The following PSMD1 variants were observed in gnomAD, a reference collection of about 807,000 sequenced individuals.
PSMD1 encodes the protein proteasome 26S subunit, non-ATPase 1.
A neutral mutation model predicts 119.0 loss-of-function variants in PSMD1; 18 were observed. That is an observed-to-expected ratio of 0.15 (90% CI 0.10 to 0.22). The LOEUF (loss-of-function observed/expected upper bound fraction) is 0.22, where lower values mean the gene tolerates loss of function less well. Ranked by LOEUF, PSMD1 falls within the 10% of genes least tolerant of loss-of-function variation. The pLI is 1.00. For synonymous variants in PSMD1, 374 were observed against 396.6 expected (o/e 0.94, Z 0.68); for missense variants, 702 against 1,158.5 (o/e 0.61, Z 5.72).
intron 16 of PSMD1, chr2:231,123,791 GT>G: frequency 6.6e-7 from 1 of 1,512,024 alleles, no homozygotes; most frequent in Non-Finnish European, 9.2e-7. Flanking sequence ...ATTCAATCCC[GT>G]TCCGAACAGT....
intron 9 of PSMD1, 83 bp downstream of exon 9, chr2:231,077,245 G>T: frequency 2.0e-6 from 2 of 1,004,104 alleles, no homozygotes; most frequent in Non-Finnish European, 2.7e-6. Context: ...ATTTCTTGTT[G>T]GATACTTTCT....
chr2:231,070,339 TTA>T (rs1412131201), intron 6 of PSMD1, among the ~76,000 whole-genome samples, 171 bp downstream of exon 6: 1 of 151,812 alleles, frequency 6.6e-6, no homozygotes, highest in Non-Finnish European at 1.5e-5. Flanking sequence ...TTCCTTTTTA[TTA>T]ATAAGAAACT....
intron 3 of PSMD1, 38 bp downstream of exon 3, chr2:231,062,359 C>A: frequency 1.3e-6 from 2 of 1,544,536 alleles, no homozygotes; most frequent in South Asian, 1.1e-5. Flanking sequence ...TAAGATGGAT[C>A]AAATTTAATT....
chr2:231,170,801 G>T lies in PSMD1; in HGVS notation c.*9+80G>T. ...GTTTTTTGCAAGGACATCATCTCAC[G>T]TTTTTCCTTCCTTTTGTGTTTAATC... On this transcript the variant is annotated intron_variant, in intron 24 of 24. Transcript: ENST00000308696. The surrounding 1 kb of genome is among the most constrained non-coding windows in gnomAD (Gnocchi z 4.1). 1.4e-6 allele frequency: 2 copies of T among 1,389,596 alleles called. No homozygotes were observed. Among genetic ancestry groups the T allele is most frequent in the South Asian group, 1.5e-5 (1 of 64,920 alleles). The allele number at this position is 1,389,596 out of a possible 1,614,324, so 86.1% of individuals were successfully genotyped here.
intron 21 of PSMD1, among the ~76,000 whole-genome samples, chr2:231,164,193 G>A (rs751848604): frequency 5.4e-4 from 82 of 152,092 alleles, no homozygotes; most frequent in Admixed American, 1.8e-3. Context: ...AGTGAGCCTG[G>A]AATTGAAAGT....
intron 17 of PSMD1, among the ~76,000 whole-genome samples, chr2:231,145,749 C>T (rs113896509): frequency 0.022 from 3,357 of 151,486 alleles, 136 homozygotes; most frequent in African/African-American, 0.077. Flanking sequence ...AAAAATTAGC[C>T]GGGGGTGGTA....
At chr2:231,161,041 G>A (rs559644762) in intron 19 of PSMD1, among the ~76,000 whole-genome samples, 57 of 151,986 alleles carry the variant, frequency 3.8e-4, no homozygotes, top group Non-Finnish European at 6.3e-4. Context: ...TGAGACCCTC[G>A]TCTCTACAAA....
chr2:231,065,696 A>G (rs1041018159), intron 4 of PSMD1, among the ~76,000 whole-genome samples: 12 of 152,230 alleles, frequency 7.9e-5, no homozygotes, highest in Admixed American at 4.6e-4. Context: ...TTGCAAAGAT[A>G]TAACTAAATT....
chr2:231,137,990 G>A (rs1340635245), intron 16 of PSMD1, among the ~76,000 whole-genome samples: 1 of 152,116 alleles, frequency 6.6e-6, no homozygotes, highest in Non-Finnish European at 1.5e-5. Flanking sequence ...TGTGTAACCA[G>A]TACCCAATTC....
At chr2:231,088,136 G>A (rs942865894) in intron 16 of PSMD1, among the ~76,000 whole-genome samples, 1 of 152,158 alleles carries the variant, frequency 6.6e-6, no homozygotes, top group African/African-American at 2.4e-5. Flanking sequence ...TTTTTGACAA[G>A]TGAATTAATA....
chr2:231,063,469 T>C (rs968802370), intron 4 of PSMD1, among the ~76,000 whole-genome samples: 11 of 152,204 alleles, frequency 7.2e-5, no homozygotes, highest in African/African-American at 2.7e-4. Context: ...AGTGCAGATA[T>C]TTCACATTGC....
Position 231,061,162 on chromosome 2 carries a change from C to T in PSMD1, c.17-105C>T. 3 of 755,660 alleles carry T rather than the reference C, an allele frequency of 4.0e-6. 1 individual carries two copies. The South Asian group carries it at 5.3e-5, about 13-fold the overall frequency. The allele number at this position is 755,660 out of a possible 1,614,324, so 46.8% of individuals were successfully genotyped here. ...TAATCATTCCCCTGGAGAAGTTACG[C>T]CTCAAAAAAATTGTTTTTCAGCCAT... On this transcript the variant is annotated intron_variant, in intron 1 of 24. Transcript: ENST00000308696.
intron 16 of PSMD1, among the ~76,000 whole-genome samples, chr2:231,087,855 G>C (rs111667136): frequency 6.6e-6 from 1 of 151,964 alleles, no homozygotes; most frequent in Non-Finnish European, 1.5e-5. Context: ...TCAGCTACTC[G>C]GGAGGCTGAG....
At chr2:231,140,000 A>G (rs1017147246) in intron 17 of PSMD1, among the ~76,000 whole-genome samples, 1 of 152,222 alleles carries the variant, frequency 6.6e-6, no homozygotes, top group African/African-American at 2.4e-5. Context: ...GCCACCTCCC[A>G]GAAGTGAACC....
intron 21 of PSMD1, among the ~76,000 whole-genome samples, chr2:231,164,476 C>G (rs1696710919): frequency 6.6e-6 from 1 of 150,750 alleles, no homozygotes. Context: ...GAAAGTGGCT[C>G]TTTCTCTCAT....
At chr2:231,062,152 TACTG>T in intron 2 of PSMD1, 92 bp from the exon 3 acceptor site, 1 of 758,294 alleles carries the variant, frequency 1.3e-6, no homozygotes, top group Non-Finnish European at 2.2e-6. Flanking sequence ...GAGTAAATAT[TACTG>T]AGGATTTGAT....
At chr2:231,105,069 A>G (rs947520565) in intron 16 of PSMD1, among the ~76,000 whole-genome samples, 4 of 152,208 alleles carry the variant, frequency 2.6e-5, no homozygotes, top group South Asian at 2.1e-4. Context: ...TTGTAGTTCA[A>G]CAACTAAGAT....
intron 18 of PSMD1, among the ~76,000 whole-genome samples, chr2:231,147,247 C>T (rs1483465268): frequency 1.3e-5 from 2 of 152,200 alleles, no homozygotes; most frequent in Non-Finnish European, 1.5e-5. Context: ...AATCCCAGTA[C>T]TCCCGGAGGC....
chr2:231,169,856 G>A (rs1696873621), intron 23 of PSMD1, among the ~76,000 whole-genome samples: 1 of 152,050 alleles, frequency 6.6e-6, no homozygotes, highest in Non-Finnish European at 1.5e-5. Context: ...TTTGGGAGAG[G>A]GCTTAATAGA....
Sources: allele counts gnomAD v4.1 joint callset (sites outside exome capture counted in the v4.1 genomes callset), GRCh38; gene constraint gnomAD v4.1.1; non-coding constraint Gnocchi (gnomAD v3.1); transcripts MANE v1.5; gene names NCBI Gene and HGNC (gene_info 2026-07-23, HGNC 2026-07-21).